MALRD1: variants seen among roughly 807,000 people sequenced by gnomAD.
MALRD1 encodes the protein MAM and LDL receptor class A domain containing 1.
A neutral mutation model predicts 242.1 loss-of-function variants in MALRD1; 247 were observed. The observed-to-expected ratio is 1.02, with a 90% confidence interval of 0.92 to 1.13. The LOEUF is 1.13. Ranked by LOEUF, MALRD1 falls within the 50% of genes most tolerant of loss-of-function variation. The probability of loss-of-function intolerance (pLI) is 0.00; values close to 1 mark genes in which losing one functional copy is unlikely to be tolerated. For synonymous variants in MALRD1, 995 were observed against 866.6 expected (o/e 1.15, Z -2.60); for missense variants, 2,989 against 2,533.1 (o/e 1.18, Z -3.86).
intron 38 of MALRD1, among the ~76,000 whole-genome samples, chr10:19,700,318 C>G (rs1833568249): frequency 6.6e-6 from 1 of 152,056 alleles, no homozygotes; most frequent in Non-Finnish European, 1.5e-5. Context: ...GAGGCAGCAG[C>G]CTTCTACAAA....
chr10:19,339,664 A>T lies in MALRD1; in HGVS notation c.3901+8082A>T, dbSNP rs545517391. Reference sequence around the variant, plus strand: ...GTATCATGATAATGCTGTGTAACAAACTACAGCAAAATTCATTGCCATTTA... The same window carrying T: ...GTATCATGATAATGCTGTGTAACAATCTACAGCAAAATTCATTGCCATTTA... On this transcript the variant is annotated intron_variant, in intron 24 of 39. Transcript: ENST00000454679. Among the ~76,000 whole-genome samples, 3 of 152,304 alleles carry T rather than the reference A, an allele frequency of 2.0e-5. No homozygotes were observed. In the South Asian group the frequency reaches 6.2e-4, roughly 32 times the overall value.
intron 4 of MALRD1, among the ~76,000 whole-genome samples, chr10:19,101,009 A>T (rs931741493): frequency 4.6e-5 from 7 of 152,072 alleles, no homozygotes; most frequent in African/African-American, 1.7e-4. Flanking sequence ...ATAACAGCTT[A>T]AATATTTTAA....
intron 25 of MALRD1, among the ~76,000 whole-genome samples, chr10:19,350,911 C>G (rs1046396635): frequency 6.6e-6 from 1 of 152,060 alleles, no homozygotes; most frequent in African/African-American, 2.4e-5. Context: ...GTCATGGTAC[C>G]CAAGTTTCAC....
At chr10:19,361,367 G>A (rs1321950155) in intron 26 of MALRD1, among the ~76,000 whole-genome samples, 1 of 152,070 alleles carries the variant, frequency 6.6e-6, no homozygotes, top group Non-Finnish European at 1.5e-5. Flanking sequence ...TGCCTCTTCA[G>A]CAAAGAACAT....
intron 38 of MALRD1, among the ~76,000 whole-genome samples, chr10:19,696,972 C>A (rs1042950371): frequency 1.4e-4 from 21 of 152,004 alleles, no homozygotes; most frequent in African/African-American, 5.1e-4. Context: ...TATGAGCCTA[C>A]AATATGCTAG....
At chr10:19,638,799 T>G (rs984372908) in intron 36 of MALRD1, among the ~76,000 whole-genome samples, 1 of 152,170 alleles carries the variant, frequency 6.6e-6, no homozygotes, top group African/African-American at 2.4e-5. Context: ...TTGGCAAGAC[T>G]CCTAAGAAGG....
At chr10:19,104,495 A>G (rs1836392972) in intron 5 of MALRD1, among the ~76,000 whole-genome samples, 1 of 152,132 alleles carries the variant, frequency 6.6e-6, no homozygotes, top group South Asian at 2.1e-4. Context: ...TTCTATTTTG[A>G]CACATCAATA....
intron 14 of MALRD1, among the ~76,000 whole-genome samples, chr10:19,179,620 A>AC (rs34607801): frequency 0.11 from 16,751 of 151,768 alleles, 982 homozygotes; most frequent in East Asian, 0.18. Context: ...CCTGTCTGCC[A>AC]CCCCCCCATA....
At chr10:19,346,213 A>G (rs759301051) in intron 24 of MALRD1, among the ~76,000 whole-genome samples, 1 of 152,136 alleles carries the variant, frequency 6.6e-6, no homozygotes, top group Non-Finnish European at 1.5e-5. Flanking sequence ...ACAAACAAAA[A>G]CCTCACTGAT....
At chr10:19,305,718 G>A (rs1842133951) in intron 21 of MALRD1, among the ~76,000 whole-genome samples, 1 of 146,124 alleles carries the variant, frequency 6.8e-6, no homozygotes, top group South Asian at 2.1e-4. Flanking sequence ...CATACTGCTG[G>A]GTAAATTAGC....
At chr10:19,362,924 T>TA in intron 26 of MALRD1, among the ~76,000 whole-genome samples, 1 of 151,904 alleles carries the variant, frequency 6.6e-6, no homozygotes, top group South Asian at 2.1e-4. Flanking sequence ...AGGTGAGAGG[T>TA]AAAAAGAGGA....
At chr10:19,412,702 T>G (rs557972402) in intron 28 of MALRD1, among the ~76,000 whole-genome samples, 1 of 152,264 alleles carries the variant, frequency 6.6e-6, no homozygotes, top group South Asian at 2.1e-4. Flanking sequence ...CAAACCAATG[T>G]AAGAGATAAG....
chr10:19,686,271 T>C (rs1194600812), intron 36 of MALRD1, among the ~76,000 whole-genome samples: 1 of 152,184 alleles, frequency 6.6e-6, no homozygotes, highest in Non-Finnish European at 1.5e-5. Context: ...CATGTTGGCA[T>C]ACTTCCAGGG....
At chr10:19,733,708 A>ATT (rs1484885365) in intron 39 of MALRD1, among the ~76,000 whole-genome samples, 3 of 147,808 alleles carry the variant, frequency 2.0e-5, no homozygotes, top group Non-Finnish European at 3.0e-5. Flanking sequence ...CACGTTTTAT[A>ATT]TTATATATAT....
chr10:19,360,235 G>A (rs1403323760), intron 26 of MALRD1, among the ~76,000 whole-genome samples: 2 of 152,040 alleles, frequency 1.3e-5, no homozygotes, highest in Non-Finnish European at 2.9e-5. Context: ...TATTCAGTCA[G>A]CACTTGGACT....
At chr10:19,570,104 A>T (rs1836452174) in intron 33 of MALRD1, among the ~76,000 whole-genome samples, 1 of 152,046 alleles carries the variant, frequency 6.6e-6, no homozygotes, top group South Asian at 2.1e-4. Context: ...TAAAAACAAA[A>T]CAAAACACTA....
At chr10:19,392,461 A>G (rs1258207852) in intron 28 of MALRD1, among the ~76,000 whole-genome samples, 1 of 152,206 alleles carries the variant, frequency 6.6e-6, no homozygotes, top group African/African-American at 2.4e-5. Context: ...AAAATGAATC[A>G]TGGTTCTTAG....
At chr10:19,512,686 A>G (rs764742726) in intron 31 of MALRD1, among the ~76,000 whole-genome samples, 4 of 152,232 alleles carry the variant, frequency 2.6e-5, no homozygotes, top group Non-Finnish European at 5.9e-5. Flanking sequence ...AGTTAAATCC[A>G]TTTGTAAAAT....
chr10:19,168,119 A>G (rs955752677), intron 13 of MALRD1, among the ~76,000 whole-genome samples: 1 of 152,214 alleles, frequency 6.6e-6, no homozygotes, highest in South Asian at 2.1e-4. Context: ...AGGCTCGATC[A>G]TTAAAGGCTT....
Sources: gnomAD v4.1 joint callset for allele counts (sites outside exome capture counted in the v4.1 genomes callset) on GRCh38, gnomAD v4.1.1 for gene constraint, MANE v1.5 for transcripts, NCBI Gene and HGNC (gene_info 2026-07-23, HGNC 2026-07-21) for gene names.